The following FRMD3 variants were observed in gnomAD, a reference collection of about 807,000 sequenced individuals.
FRMD3 encodes the protein FERM domain containing 3.
FRMD3 carries 33 observed loss-of-function variants against 70.2 expected under a neutral mutation model. That is an observed-to-expected ratio of 0.47 (90% CI 0.36 to 0.63). The LOEUF (loss-of-function observed/expected upper bound fraction) is 0.63, where lower values mean the gene tolerates loss of function less well. Among genes scored for constraint, FRMD3 ranks in the 20% least tolerant of loss-of-function variants. The pLI, the probability that FRMD3 is intolerant of heterozygous loss-of-function variation, is 0.00. For synonymous variants in FRMD3, 279 were observed against 255.9 expected (o/e 1.09, Z -0.86); for missense variants, 632 against 711.4 (o/e 0.89, Z 1.27).
At chr9:83,304,076 T>C (rs1835025835) in intron 10 of FRMD3, among the ~76,000 whole-genome samples, 1 of 152,250 alleles carries the variant, frequency 6.6e-6, no homozygotes, top group Non-Finnish European at 1.5e-5. Context: ...TCTCCATTCC[T>C]TTCTATGGCT....
At chr9:83,541,244 T>C (rs890583619), upstream of FRMD3, among the ~76,000 whole-genome samples, 3 of 151,910 alleles carry the variant, frequency 2.0e-5, no homozygotes, top group Non-Finnish European at 4.4e-5. Flanking sequence ...AGAGAAAGAA[T>C]TGCAAGATTC....
chr9:83,339,334 A>C (rs1823680816), intron 5 of FRMD3, among the ~76,000 whole-genome samples: 1 of 152,206 alleles, frequency 6.6e-6, no homozygotes, highest in African/African-American at 2.4e-5. Context: ...AGCTATTCAT[A>C]CCAAGAGGAG....
intron 1 of FRMD3, among the ~76,000 whole-genome samples, chr9:83,432,921 A>G (rs939644932): frequency 3.9e-5 from 6 of 152,310 alleles, no homozygotes; most frequent in Admixed American, 3.9e-4. Flanking sequence ...TCCAATGTCC[A>G]TTATACAACT....
At chr9:83,356,381 T>C (rs1824341975) in intron 3 of FRMD3, among the ~76,000 whole-genome samples, 2 of 149,380 alleles carry the variant, frequency 1.3e-5, no homozygotes, top group South Asian at 4.3e-4. Flanking sequence ...GTTCACGCCA[T>C]TCTCCTGCTT....
intron 12 of FRMD3, chr9:83,297,578 T>G: frequency 2.9e-6 from 1 of 348,306 alleles, no homozygotes; most frequent in Non-Finnish European, 5.7e-6. Context: ...TCTTCATTTC[T>G]GCTGCATTGA....
rs533728038 is a variant in FRMD3 at position 83,424,837 on chromosome 9, A to AT, written c.148-35130dup. ...ACACAAAGTAGGTCTTACTGTTTTC[A>AT]TTTTTACAGGTGTGAATACCAACTC... On this transcript the variant is annotated intron_variant, in intron 1 of 13. Transcript: ENST00000304195. Among the ~76,000 whole-genome samples, 9 of 152,332 alleles carry AT rather than the reference A, an allele frequency of 5.9e-5. No individual in the cohort carries two copies. The South Asian group carries it at 1.9e-3, about 32-fold the overall frequency.
At chr9:83,327,305 A>G (rs1836059205) in intron 6 of FRMD3, among the ~76,000 whole-genome samples, 1 of 152,236 alleles carries the variant, frequency 6.6e-6, no homozygotes, top group Admixed American at 6.5e-5. Flanking sequence ...TGTTGGAATA[A>G]AAGATTTTCC....
the FRMD3 span, among the ~76,000 whole-genome samples, chr9:83,579,564 A>G: frequency 1.3e-5 from 2 of 152,170 alleles, no homozygotes; most frequent in Non-Finnish European, 2.9e-5. Flanking sequence ...TGGTGCTGGG[A>G]AAACTAGATA....
At chr9:83,272,753 G>A (rs1449098025) in intron 13 of FRMD3, among the ~76,000 whole-genome samples, 13 of 148,740 alleles carry the variant, frequency 8.7e-5, no homozygotes, top group Middle Eastern at 3.7e-3. Flanking sequence ...CTGCCCGGCC[G>A]CCCATCATCT....
chr9:83,309,185 T>G (rs964917531), intron 10 of FRMD3, among the ~76,000 whole-genome samples: 1 of 151,910 alleles, frequency 6.6e-6, no homozygotes, highest in Non-Finnish European at 1.5e-5. Flanking sequence ...CAAGGTCTGC[T>G]TTGTGGGGGT....
intron 1 of FRMD3, among the ~76,000 whole-genome samples, chr9:83,501,993 C>T (rs1824218898): frequency 1.3e-5 from 2 of 152,132 alleles, no homozygotes; most frequent in South Asian, 4.1e-4. Context: ...GGAAGCAACT[C>T]CTTTAAGTGC....
At chr9:83,315,564 C>A (rs1293060625) in intron 6 of FRMD3, among the ~76,000 whole-genome samples, 2 of 152,136 alleles carry the variant, frequency 1.3e-5, no homozygotes, top group Admixed American at 6.6e-5. Flanking sequence ...CCTCCCCCTG[C>A]TCTCTCTTCC....
chr9:83,366,264 T>C (rs757044065), intron 3 of FRMD3, among the ~76,000 whole-genome samples: 4 of 152,102 alleles, frequency 2.6e-5, no homozygotes, highest in Admixed American at 6.6e-5. Flanking sequence ...CTGAAAGTGA[T>C]CAAATTCAAC....
chr9:83,508,978 T>C (rs879670650), intron 1 of FRMD3, among the ~76,000 whole-genome samples: 1 of 152,082 alleles, frequency 6.6e-6, no homozygotes, highest in Non-Finnish European at 1.5e-5. Flanking sequence ...CATTTAAAAC[T>C]GGAATCACCC....
At chr9:83,412,979 G>A (rs4877759) in intron 1 of FRMD3, among the ~76,000 whole-genome samples, 31,092 of 151,824 alleles carry the variant, frequency 0.2, 3,562 homozygotes, top group African/African-American at 0.3. Flanking sequence ...GGGCAACAGA[G>A]TGAGACTCTG....
intron 13 of FRMD3, among the ~76,000 whole-genome samples, chr9:83,283,485 C>G (rs916020491): frequency 6.7e-6 from 1 of 149,430 alleles, no homozygotes; most frequent in Non-Finnish European, 1.5e-5. Flanking sequence ...GAGCCGAGAT[C>G]GCACCACTAC....
chr9:83,496,382 C>G (rs1329401886), intron 1 of FRMD3, among the ~76,000 whole-genome samples: 1 of 152,136 alleles, frequency 6.6e-6, no homozygotes, highest in East Asian at 1.9e-4. Flanking sequence ...CATCATTAAC[C>G]TGCATATGTG....
At chr9:83,275,383 C>T (rs1164897723) in intron 13 of FRMD3, among the ~76,000 whole-genome samples, 1 of 152,166 alleles carries the variant, frequency 6.6e-6, no homozygotes, top group African/African-American at 2.4e-5. Flanking sequence ...TCCTGAAGGC[C>T]TTCTAATGAT....
At chr9:83,255,695 A>G (rs556243649) in intron 13 of FRMD3, among the ~76,000 whole-genome samples, 11 of 152,322 alleles carry the variant, frequency 7.2e-5, no homozygotes. Context: ...TATAAAATCA[A>G]TGTGCAAAAA....
Sources: gnomAD v4.1 joint callset for allele counts (sites outside exome capture counted in the v4.1 genomes callset) on GRCh38, gnomAD v4.1.1 for gene constraint, MANE v1.5 for transcripts, NCBI Gene and HGNC (gene_info 2026-07-23, HGNC 2026-07-21) for gene names.